Variants in GCC2 observed in about 807,000 individuals in gnomAD.
GCC2 encodes GRIP and coiled-coil domain containing 2, also known as GRIP and coiled-coil domain-containing protein 2.
Under a neutral mutation model 210.6 loss-of-function variants are expected in GCC2, and 120 were observed. That is an observed-to-expected ratio of 0.57 (90% CI 0.49 to 0.66). The LOEUF (loss-of-function observed/expected upper bound fraction) is 0.66. GCC2 is among the 30% of genes least tolerant of loss of function. The pLI is 0.00. For synonymous variants in GCC2, 703 were observed against 652.7 expected, an observed-to-expected ratio of 1.08 and a Z score of -1.17; for missense variants, 1,868 against 1,871.9, an observed-to-expected ratio of 1.00 and a Z score of 0.04.
intron 22 of GCC2, among the ~76,000 whole-genome samples, chr2:108,502,305 A>T (rs1376615249): frequency 6.6e-6 from 1 of 152,190 alleles, no homozygotes; most frequent in Non-Finnish European, 1.5e-5. Context: ...CAGCATGTTT[A>T]ATGTAGATGT....
intron 4 of GCC2, among the ~76,000 whole-genome samples, chr2:108,466,845 T>A (rs1415015797): frequency 2.6e-5 from 4 of 152,242 alleles, no homozygotes; most frequent in Non-Finnish European, 1.5e-5. Flanking sequence ...TTTATTTGTT[T>A]ATAATATGGT....
chr2:108,491,044 T>G (rs1205953000), intron 18 of GCC2, among the ~76,000 whole-genome samples: 1 of 152,210 alleles, frequency 6.6e-6, no homozygotes, highest in Non-Finnish European at 1.5e-5. Context: ...AGAAATAGCC[T>G]TCTCTTTATG....
intron 3 of GCC2, among the ~76,000 whole-genome samples, chr2:108,451,607 T>C (rs199916248): frequency 1.6e-5 from 1 of 63,334 alleles, no homozygotes; most frequent in African/African-American, 3.6e-5. Context: ...TCTTAGCACC[T>C]TTTTTTTTTA....
chr2:108,480,298 C>G (rs1681783311), intron 9 of GCC2, among the ~76,000 whole-genome samples: 1 of 152,182 alleles, frequency 6.6e-6, no homozygotes, highest in Non-Finnish European at 1.5e-5. Context: ...GGAACACTTA[C>G]ACTTTTGGTG....
At chr2:108,469,118 A>G in intron 5 of GCC2, 34 bp downstream of exon 5, 1 of 1,252,544 alleles carries the variant, frequency 8.0e-7, no homozygotes, top group East Asian at 2.3e-5. Flanking sequence ...TTTCTTTTTT[A>G]TTAACATATA....
rs1442095768 is a variant in GCC2, at chr2:108,495,441, C to T, written c.4598C>T (p.Thr1533Ile). Residue 1533 changes from threonine (T) to isoleucine (I), a missense_variant, in exon 20 of 23, where the codon ACA becomes ATA. Physicochemically the swap from Thr to Ile is moderately conservative, Grantham distance 89. Coordinates refer to ENST00000309863, the MANE Select transcript of GCC2 (RefSeq NM_181453.4). ...TCTGTGTCTTCCGCCAGCACATACA[C>T]ACAGTCTTTAGAGCAGCTGCTTAAC... ...TESVSSASTY[T>I]QSLEQLLNSP... 1 of 1,594,342 alleles carries T rather than the reference C, an allele frequency of 6.3e-7. No homozygotes were observed. The highest frequency in any genetic ancestry group is 8.5e-7 in the Non-Finnish European group (1 of 1,178,452).
At chr2:108,490,137 G>T (rs1682341313) in intron 18 of GCC2, 123 bp downstream of exon 18, 2 of 713,300 alleles carry the variant, frequency 2.8e-6, no homozygotes, top group Admixed American at 4.0e-5. Flanking sequence ...ATTTCTAAAG[G>T]CTTGGAAACT....
chr2:108,500,464 C>CA (rs1273662725), intron 22 of GCC2, among the ~76,000 whole-genome samples: 2 of 152,152 alleles, frequency 1.3e-5, no homozygotes, highest in Non-Finnish European at 2.9e-5. Context: ...AGTGAGCTGT[C>CA]ACGCCACTGT....
chr2:108,465,976 T>C (rs892332892), intron 4 of GCC2, among the ~76,000 whole-genome samples: 5 of 152,202 alleles, frequency 3.3e-5, no homozygotes, highest in Admixed American at 1.3e-4. Flanking sequence ...CTCAGTCTCC[T>C]GTGTAGCTGG....
chr2:108,482,779 C>T (rs984122050), intron 11 of GCC2, among the ~76,000 whole-genome samples: 6 of 152,108 alleles, frequency 3.9e-5, no homozygotes, highest in Non-Finnish European at 7.4e-5. Flanking sequence ...TGGGTTCATG[C>T]CATTCTCCTG....
At chr2:108,469,500 A>G (rs1170798799) in intron 5 of GCC2, 151 bp from the exon 6 acceptor site, 2 of 576,570 alleles carry the variant, frequency 3.5e-6, no homozygotes, top group African/African-American at 3.8e-5. Context: ...ACCTAAGGAG[A>G]GTTATTGGAA....
At position 108,454,963 on chromosome 2, in the gene GCC2, G is replaced by A. The variant is rs182937919; in HGVS notation, c.216+2497G>A. Reference sequence around the variant, plus strand: ...GCTGGAGTGCAGTGGCGTGATCTCCGCTCACTGCAACCTCTATAGAGTGTT... The same window carrying A: ...GCTGGAGTGCAGTGGCGTGATCTCCACTCACTGCAACCTCTATAGAGTGTT... On this transcript the variant is annotated intron_variant, in intron 4 of 22. Transcript: ENST00000309863. Among the ~76,000 whole-genome samples, 9 of 118,200 alleles carry A rather than the reference G, an allele frequency of 7.6e-5. No individual in the cohort carries two copies. In the East Asian group the frequency reaches 1.2e-3, roughly 16 times the overall value. 77.5% of individuals were successfully genotyped at this position (118,200 alleles called of 152,430 possible).
At chr2:108,488,602 A>AG (rs1176000079) in intron 17 of GCC2, among the ~76,000 whole-genome samples, 9 of 152,350 alleles carry the variant, frequency 5.9e-5, no homozygotes, top group African/African-American at 2.2e-4. Flanking sequence ...GTCTAGAATT[A>AG]AACTTTTCTT....
chr2:108,481,788 C>G lies in GCC2; in HGVS notation c.3152C>G (p.Thr1051Arg). ...TTTGAGCATCGTATTGAAGACCTTACAAGACAATTAAGAAATTCGACTTTG... is the reference window on the plus strand; with the variant it reads ...TTTGAGCATCGTATTGAAGACCTTAGAAGACAATTAAGAAATTCGACTTTG... ...NNFEHRIEDL[T>R]RQLRNSTLQC... The change falls in exon 10 of 23, where the codon ACA (threonine) becomes AGA (arginine). Residue 1051 changes from threonine (T) to arginine (R), a missense_variant. Thr to Arg is a moderately conservative substitution (Grantham distance 71). Transcript: ENST00000309863. 6.3e-7 allele frequency: 1 copy of G among 1,583,048 alleles called. No homozygotes were observed. Among genetic ancestry groups the G allele is most frequent in the South Asian group, 1.2e-5 (1 of 84,936 alleles).
At chr2:108,486,369 A>T in intron 15 of GCC2, 142 bp from the exon 16 acceptor site, 1 of 787,006 alleles carries the variant, frequency 1.3e-6, no homozygotes, top group Admixed American at 2.1e-5. Flanking sequence ...CTTTTTCAAT[A>T]ATAATACATA....
chr2:108,467,169 A>T (rs192068283), intron 4 of GCC2, among the ~76,000 whole-genome samples: 3 of 152,298 alleles, frequency 2.0e-5, no homozygotes, highest in Non-Finnish European at 4.4e-5. Context: ...CATTGCGATT[A>T]ATTGGAATTG....
chr2:108,476,023 C>T (rs2718702), intron 9 of GCC2, among the ~76,000 whole-genome samples, 173 bp downstream of exon 9: 33,274 of 136,518 alleles, frequency 0.24, 4,164 homozygotes, highest in African/African-American at 0.35. Flanking sequence ...TATCAAGATT[C>T]TAAAGTGGTT....
At chr2:108,467,216 C>T (rs1054525475) in intron 4 of GCC2, among the ~76,000 whole-genome samples, 4 of 152,168 alleles carry the variant, frequency 2.6e-5, no homozygotes, top group Admixed American at 1.3e-4. Flanking sequence ...CCCTGTGGAA[C>T]GCCTTCACAC....
At chr2:108,487,900 A>AATT in intron 17 of GCC2, 80 bp downstream of exon 17, 1 of 647,636 alleles carries the variant, frequency 1.5e-6, no homozygotes, top group African/African-American at 2.5e-5. Flanking sequence ...TCCTATTATG[A>AATT]TTTTTTTTTT....
Sources: allele counts gnomAD v4.1 joint callset (sites outside exome capture counted in the v4.1 genomes callset), GRCh38; gene constraint gnomAD v4.1.1; transcripts MANE v1.5; gene names NCBI Gene and HGNC (gene_info 2026-07-23, HGNC 2026-07-21).